MIER3: variants seen among roughly 807,000 people sequenced by gnomAD.
MIER3 encodes the protein mesoderm induction early response protein 3.
Under a neutral mutation model 63.2 loss-of-function variants are expected in MIER3, and 9 were observed. The observed-to-expected ratio is 0.14, with a 90% CI of 0.09 to 0.25. MIER3 has a LOEUF of 0.25. Ranked by LOEUF, MIER3 falls within the 10% of genes least tolerant of loss-of-function variation. The pLI is 1.00. For synonymous variants in MIER3, 205 were observed against 224.9 expected, an observed-to-expected ratio of 0.91 and a Z score of 0.79; for missense variants, 512 against 666.2, an observed-to-expected ratio of 0.77 and a Z score of 2.55.
chr5:56,921,315 CA>C lies in MIER3; in HGVS notation c.*1812del, dbSNP rs1433371470. 1.3e-5 allele frequency: 2 copies of C among 152,412 alleles called. No homozygotes were observed. The highest frequency in any genetic ancestry group is 3.9e-4 in the East Asian group (2 of 5,180). 9.4% of individuals were successfully genotyped at this position (152,412 alleles called of 1,614,324 possible). On this transcript the variant is annotated 3_prime_UTR_variant, in exon 13 of 13. Transcript: ENST00000381199. Reference sequence around the variant, plus strand: ...AAGAAATAAGGTTCAAAGTTTAGCACAACAACACAGCAATAAGAAGCTGACA... The same window carrying C: ...AAGAAATAAGGTTCAAAGTTTAGCACACAACACAGCAATAAGAAGCTGACA...
At chr5:56,932,375 C>T (rs1750299074) in intron 8 of MIER3, among the ~76,000 whole-genome samples, 1 of 152,042 alleles carries the variant, frequency 6.6e-6, no homozygotes, top group Admixed American at 6.6e-5. Context: ...TTCAAAAAAG[C>T]AAAAACATTT....
At chr5:56,951,583 A>C (rs1391213671) in intron 1 of MIER3, among the ~76,000 whole-genome samples, 1 of 151,994 alleles carries the variant, frequency 6.6e-6, no homozygotes, top group East Asian at 2.0e-4. Flanking sequence ...CCCCCAGCAA[A>C]GTGAAGCGTG....
rs746193816 is a variant in MIER3, at chr5:56,932,897, A to T, written c.747+350T>A. Among the ~76,000 whole-genome samples the T allele has an allele frequency of 7.9e-5, 12 of 152,086 alleles. No individual in the cohort carries two copies. The East Asian group carries it at 1.3e-3, about 17-fold the overall frequency. On this transcript the variant is annotated intron_variant, in intron 8 of 12. Coordinates refer to ENST00000381199, the MANE Select transcript of MIER3 (RefSeq NM_001297599.2). ...ACAGTATGTTGAAATTTAGGGAAAA[A>T]TTTTTTTTAAAAAGTATAGGATAGA...
At chr5:56,931,096 T>G (rs1750250718) in intron 8 of MIER3, among the ~76,000 whole-genome samples, 1 of 152,198 alleles carries the variant, frequency 6.6e-6, no homozygotes. Flanking sequence ...TTAGTTACAG[T>G]CTGTCCCTTG....
chr5:56,934,501 G>A (rs1750374584), intron 7 of MIER3, among the ~76,000 whole-genome samples: 1 of 152,194 alleles, frequency 6.6e-6, no homozygotes, highest in Non-Finnish European at 1.5e-5. Context: ...TGCTGAGTAT[G>A]TACTTGGCTC....
At chr5:56,945,922 AT>A in intron 3 of MIER3, among the ~76,000 whole-genome samples, 1 of 152,322 alleles carries the variant, frequency 6.6e-6, no homozygotes, top group Admixed American at 6.5e-5. Context: ...CTTACTCTTT[AT>A]ATTTGTGTCT....
intron 4 of MIER3, among the ~76,000 whole-genome samples, 156 bp from the exon 5 acceptor site, chr5:56,937,854 AATATTAT>A (rs201299887): frequency 0.014 from 2,176 of 150,434 alleles, 18 homozygotes; most frequent in Non-Finnish European, 0.024. Flanking sequence ...ATAAATATTT[AATATTAT>A]ATATTATATA....
Position 56,938,960 on chromosome 5 carries a change from G to C in MIER3, c.238C>G (p.Pro80Ala). The C allele has an allele frequency of 5.0e-6, 8 of 1,614,136 alleles. No individual in the cohort carries two copies. Among genetic ancestry groups the C allele is most frequent in the Non-Finnish European group, 6.8e-6 (8 of 1,180,012 alleles). ...TTTGCACTGGAATTTGCAACTGCTG[G>C]AATTGTAGGTTCATAGCCATAGAAT... ...LAFYGYEPTI[P>A]AVANSSANSS... is the part of the protein sequence containing the mutation. Residue 80 changes from proline (P) to alanine (A), a missense_variant, in exon 4 of 13, where the codon CCA becomes GCA. Physicochemically the swap from Pro to Ala is conservative, Grantham distance 27. Coordinates refer to ENST00000381199, the MANE Select transcript of MIER3 (RefSeq NM_001297599.2).
intron 10 of MIER3, chr5:56,927,813 C>G (rs1464856587): frequency 6.6e-6 from 1 of 152,180 alleles, no homozygotes; most frequent in Non-Finnish European, 1.5e-5. Context: ...TCTATCATTA[C>G]AGTATCATCA....
rs1430775398 is a variant in MIER3 at position 56,924,123 on chromosome 5, A to G, written c.925-81T>C. ...AACTTTTCTTTTCCACAACACTACA[A>G]CTTCAATCCATGGGTCTTATTTTCC... On this transcript the variant is annotated intron_variant, in intron 10 of 12. Coordinates refer to ENST00000381199, the MANE Select transcript of MIER3 (RefSeq NM_001297599.2). The G allele has an allele frequency of 3.7e-6, 5 of 1,352,114 alleles. No individual in the cohort carries two copies. The African/African-American group carries it at 7.3e-5, about 20-fold the overall frequency. The allele number at this position is 1,352,114 out of a possible 1,614,324, so 83.8% of individuals were successfully genotyped here. A position where few individuals can be genotyped will look rare whatever the true frequency, so the allele number is the denominator to read the frequency against.
chr5:56,932,803 C>T (rs2112105824), intron 8 of MIER3, among the ~76,000 whole-genome samples: 1 of 152,074 alleles, frequency 6.6e-6, no homozygotes, highest in African/African-American at 2.4e-5. Context: ...AAAGAATACA[C>T]TTATAAAATC....
At chr5:56,934,612 C>A (rs1159601176) in intron 7 of MIER3, among the ~76,000 whole-genome samples, 2 of 152,156 alleles carry the variant, frequency 1.3e-5, no homozygotes, top group African/African-American at 4.8e-5. Context: ...TCTTTTAACA[C>A]TTTGAAAGCA....
intron 4 of MIER3, among the ~76,000 whole-genome samples, chr5:56,938,532 C>G (rs932210513): frequency 3.3e-5 from 5 of 152,198 alleles, no homozygotes; most frequent in African/African-American, 1.2e-4. Context: ...CACGCCTAAG[C>G]CAGCTTGGTT....
rs752251400 is a variant in MIER3, at chr5:56,923,126, G to A, written c.*2C>T. 1 of 1,611,332 alleles carries A rather than the reference G, an allele frequency of 6.2e-7. No homozygotes were observed. Among genetic ancestry groups the A allele is most frequent in the Non-Finnish European group, 8.5e-7 (1 of 1,177,842 alleles). On this transcript the variant is annotated 3_prime_UTR_variant, in exon 13 of 13. Transcript: ENST00000381199. The stretch of plus-strand genomic sequence containing the variant: ...CACGCAGTTCCGGGATCCTCACTCA[G>A]GTCACTCAGAGTGTAGGGCCGCGTG...
chr5:56,945,925 T>A (rs1338516368), intron 3 of MIER3, among the ~76,000 whole-genome samples: 1 of 152,242 alleles, frequency 6.6e-6, no homozygotes, highest in Non-Finnish European at 1.5e-5. Context: ...ACTCTTTATA[T>A]TTGTGTCTCT....
rs1187540653 is a variant in MIER3, at chr5:56,944,472, C to G, written c.180+2454G>C. 2.0e-5 allele frequency among the ~76,000 whole-genome samples: 3 copies of G among 151,300 alleles called. No homozygotes were observed. In the East Asian group the frequency reaches 5.8e-4, roughly 29 times the overall value. On this transcript the variant is annotated intron_variant, in intron 3 of 12. Coordinates refer to ENST00000381199, the MANE Select transcript of MIER3 (RefSeq NM_001297599.2). ...CTCCAGCCTGGGCGACAGAGCGAGA[C>G]TCCGTCTCAAAAAAAAAAAAAGAAA... is the stretch of plus-strand genomic sequence containing the variant.
At chr5:56,932,067 CA>C (rs2112103806) in intron 8 of MIER3, among the ~76,000 whole-genome samples, 1 of 152,148 alleles carries the variant, frequency 6.6e-6, no homozygotes, top group East Asian at 1.9e-4. Flanking sequence ...CTGAGGCAGA[CA>C]TATCACAAGG....
intron 8 of MIER3, among the ~76,000 whole-genome samples, chr5:56,931,767 T>A (rs1176009231): frequency 6.6e-6 from 1 of 151,960 alleles, no homozygotes; most frequent in Non-Finnish European, 1.5e-5. Context: ...AAAGCAGGAA[T>A]AATAATGGTA....
At chr5:56,950,715 C>G in intron 1 of MIER3, 63 bp from the exon 2 acceptor site, 25 of 1,587,562 alleles carry the variant, frequency 1.6e-5, no homozygotes, top group Non-Finnish European at 2.2e-5. Context: ...GCAGCGCCGG[C>G]AACAGGGCGC....
Sources: allele counts gnomAD v4.1 joint callset (sites outside exome capture counted in the v4.1 genomes callset), GRCh38; gene constraint gnomAD v4.1.1; transcripts MANE v1.5; gene names NCBI Gene and HGNC (gene_info 2026-07-23, HGNC 2026-07-21).